ADAMTS6: variants seen among roughly 807,000 people sequenced by gnomAD.
ADAMTS6 encodes ADAM metallopeptidase with thrombospondin type 1 motif 6.
A neutral mutation model predicts 144.3 loss-of-function variants in ADAMTS6; 23 were observed. The ratio of observed to expected loss-of-function variants is 0.16; its 90% CI spans 0.11 to 0.23. The LOEUF is 0.23. ADAMTS6 is among the 10% of genes least tolerant of loss of function. The probability of loss-of-function intolerance (pLI) is 1.00; values close to 1 mark genes in which losing one functional copy is unlikely to be tolerated. For synonymous variants in ADAMTS6, 444 were observed against 457.5 expected (o/e 0.97, Z 0.38); for missense variants, 999 against 1,379.6 (o/e 0.72, Z 4.37).
chr5:65,225,838 A>G (rs1007912659), intron 16 of ADAMTS6, among the ~76,000 whole-genome samples: 2 of 152,308 alleles, frequency 1.3e-5, no homozygotes, highest in Middle Eastern at 3.4e-3. Flanking sequence ...AAAATCCAAA[A>G]TATTTTCATA....
At chr5:65,206,242 C>T (rs951261519) in intron 20 of ADAMTS6, among the ~76,000 whole-genome samples, 2 of 152,142 alleles carry the variant, frequency 1.3e-5, no homozygotes, top group East Asian at 1.9e-4. Context: ...CAAATAACTT[C>T]TTTGTAATGA....
In ADAMTS6 at chr5:65,291,440, C is replaced by A; in HGVS notation, c.1401G>T (p.Glu467Asp). ...GATAAAGAAAGTCACGCTTGGGAGGCTCATTATCAAGGCAAGTACCACGGC... is the reference window on the plus strand; with the variant it reads ...GATAAAGAAAGTCACGCTTGGGAGGATCATTATCAAGGCAAGTACCACGGC... The part of the protein sequence containing the change: ...DSGRGTCLDN[E>D]PPKRDFLYPA... The change falls in exon 11 of 25, where the codon GAG (glutamate) becomes GAT (aspartate). Residue 467 changes from glutamate to aspartate, a missense_variant. This residue lies in a region of ADAMTS6 where 619 missense variants were observed against 837.0 expected (regional missense o/e 0.74). Coordinates refer to ENST00000381055, the MANE Select transcript of ADAMTS6 (RefSeq NM_197941.4). 6.2e-7 allele frequency: 1 copy of A among 1,613,774 alleles called. No homozygotes were observed. Among genetic ancestry groups the A allele is most frequent in the Non-Finnish European group, 8.5e-7 (1 of 1,179,840 alleles).
In ADAMTS6 at chr5:65,174,132, C is replaced by T. The variant is rs554343948; in HGVS notation, c.2911-1124G>A. ...TCATACGAGAAACATTTCCAGATCT[C>T]CTACAGGAACTACACTAGACTGGAG... is the stretch of plus-strand genomic sequence containing the variant. On this transcript the variant is annotated intron_variant, in intron 22 of 24. Transcript: ENST00000381055. Among the ~76,000 whole-genome samples, 3 of 152,266 alleles carry T rather than the reference C, an allele frequency of 2.0e-5. 1 individual carries two copies. In the South Asian group the frequency reaches 6.2e-4, roughly 32 times the overall value.
At chr5:65,457,301 A>G (rs1473718799) in intron 4 of ADAMTS6, among the ~76,000 whole-genome samples, 1 of 152,212 alleles carries the variant, frequency 6.6e-6, no homozygotes, top group Non-Finnish European at 1.5e-5. Flanking sequence ...GGCAAGAGAT[A>G]ATGAGGGTCT....
intron 7 of ADAMTS6, among the ~76,000 whole-genome samples, chr5:65,353,047 T>C (rs747985211): frequency 5.3e-5 from 8 of 152,032 alleles, no homozygotes; most frequent in Non-Finnish European, 1.0e-4. Context: ...GATCTTTATA[T>C]GAATGAATGA....
At chr5:65,385,557 C>T (rs1393020484) in intron 7 of ADAMTS6, among the ~76,000 whole-genome samples, 1 of 152,040 alleles carries the variant, frequency 6.6e-6, no homozygotes. Context: ...ATTCATAGTA[C>T]CACTTAGTAA....
intron 7 of ADAMTS6, among the ~76,000 whole-genome samples, chr5:65,384,374 C>G (rs1389132180): frequency 6.6e-6 from 1 of 152,170 alleles, no homozygotes; most frequent in Admixed American, 6.5e-5. Flanking sequence ...ATGCCACATC[C>G]TCAACACTTT....
At chr5:65,480,656 G>A (rs1048895787) in intron 1 of ADAMTS6, among the ~76,000 whole-genome samples, 22 of 152,078 alleles carry the variant, frequency 1.4e-4, no homozygotes, top group African/African-American at 5.1e-4. Context: ...CCCCATTCCT[G>A]CACTCTCACT....
rs1271667211 is a variant in ADAMTS6, at chr5:65,400,127, C to A, written c.1073+51348G>T. On this transcript the variant is annotated intron_variant, in intron 7 of 24. Coordinates refer to ENST00000381055, the MANE Select transcript of ADAMTS6 (RefSeq NM_197941.4). ...GTTGAGTAGTTAGATGTAGTTCCTA[C>A]CTTTGTTCCTCTATAGGTAAGATTT... Among the ~76,000 whole-genome samples the A allele has an allele frequency of 2.6e-5, 4 of 152,108 alleles. 1 individual carries two copies. The East Asian group carries it at 7.7e-4, about 29-fold the overall frequency.
At chr5:65,283,363 C>A (rs180776907) in intron 11 of ADAMTS6, among the ~76,000 whole-genome samples, 63 of 151,648 alleles carry the variant, frequency 4.2e-4, no homozygotes, top group East Asian at 1.4e-3. Flanking sequence ...TGGCAAAAAA[C>A]CAAAAACTAA....
chr5:65,291,024 A>G (rs561753727), intron 11 of ADAMTS6, among the ~76,000 whole-genome samples: 1 of 152,212 alleles, frequency 6.6e-6, no homozygotes, highest in Non-Finnish European at 1.5e-5. Context: ...TAAAGCCATA[A>G]CATTTCAAAA....
intron 15 of ADAMTS6, among the ~76,000 whole-genome samples, chr5:65,231,241 A>G (rs758650804): frequency 1.3e-5 from 2 of 152,038 alleles, no homozygotes; most frequent in South Asian, 2.1e-4. Flanking sequence ...AGCTATACTT[A>G]TATCAGACAA....
At chr5:65,340,341 G>A (rs2131592) in intron 7 of ADAMTS6, among the ~76,000 whole-genome samples, 17,195 of 151,994 alleles carry the variant, frequency 0.11, 1,036 homozygotes, top group African/African-American at 0.15. Flanking sequence ...AGGAACTTTC[G>A]TAACACTAGC....
intron 14 of ADAMTS6, among the ~76,000 whole-genome samples, chr5:65,260,272 G>A (rs1340812499): frequency 6.6e-6 from 1 of 152,064 alleles, no homozygotes; most frequent in African/African-American, 2.4e-5. Context: ...TGGAATAAAG[G>A]GCATAATAAG....
At chr5:65,443,974 A>AT (rs1758071182) in intron 7 of ADAMTS6, among the ~76,000 whole-genome samples, 1 of 152,206 alleles carries the variant, frequency 6.6e-6, no homozygotes, top group South Asian at 2.1e-4. Context: ...AGTTCTAGAC[A>AT]TTCCAATAAG....
intron 20 of ADAMTS6, among the ~76,000 whole-genome samples, chr5:65,209,589 A>G (rs745854278): frequency 1.3e-5 from 2 of 152,240 alleles, no homozygotes; most frequent in Non-Finnish European, 2.9e-5. Context: ...AAGCAACAGA[A>G]AAAGTCTCAA....
intron 9 of ADAMTS6, among the ~76,000 whole-genome samples, chr5:65,318,489 A>G (rs984821768): frequency 7.9e-5 from 12 of 152,310 alleles, no homozygotes; most frequent in African/African-American, 2.2e-4. Context: ...AGTGTCCATC[A>G]ACAGAAGAAT....
At chr5:65,253,812 CTTTTTTTTTTTTT>C (rs759508097) in intron 14 of ADAMTS6, among the ~76,000 whole-genome samples, 35 of 66,996 alleles carry the variant, frequency 5.2e-4, no homozygotes, top group Admixed American at 9.4e-4. Context: ...AATATTCAAT[CTTTTTTTTTTTTT>C]TTTTTTTTTT....
Position 65,469,978 on chromosome 5 carries a change from A to G in ADAMTS6, c.462+800T>C, listed in dbSNP as rs572459659. On this transcript the variant is annotated intron_variant, in intron 3 of 24. Transcript: ENST00000381055. ...GCATGGAAATTTGCTTTGTTTTGCA[A>G]TTATTACTATGTGCAACTTTGAACT... is the stretch of plus-strand genomic sequence containing the variant. 1.3e-3 allele frequency among the ~76,000 whole-genome samples: 193 copies of G among 152,330 alleles called. 1 individual carries two copies. Among genetic ancestry groups the G allele is most frequent in the African/African-American group, 3.6e-3 (148 of 41,584 alleles).
Sources: gnomAD v4.1 joint callset for allele counts (sites outside exome capture counted in the v4.1 genomes callset) on GRCh38, gnomAD v4.1.1 for gene constraint, gnomAD v4.1.1 regional missense constraint, MANE v1.5 for transcripts, NCBI Gene and HGNC (gene_info 2026-07-23, HGNC 2026-07-21) for gene names.